RIMS2: variants seen among roughly 807,000 people sequenced by gnomAD.
The protein encoded by RIMS2 is regulating synaptic membrane exocytosis 2, also known as regulating synaptic membrane exocytosis protein 2.
In RIMS2, 59 loss-of-function variants were observed where a neutral mutation model predicts 174.4. The ratio of observed to expected loss-of-function variants is 0.34; its 90% confidence interval spans 0.27 to 0.42. The LOEUF is 0.42. RIMS2 is among the 10% of genes least tolerant of loss of function. The pLI, the probability that RIMS2 is intolerant of heterozygous loss-of-function variation, is 1.00. For missense variants in RIMS2, 1,620 were observed against 1,666.3 expected, an observed-to-expected ratio of 0.97 and a Z score of 0.48; for synonymous variants, 606 against 572.5, an observed-to-expected ratio of 1.06 and a Z score of -0.84.
At chr8:104,059,049 T>C (rs1204458867) in intron 19 of RIMS2, among the ~76,000 whole-genome samples, 3 of 151,288 alleles carry the variant, frequency 2.0e-5, no homozygotes, top group Non-Finnish European at 2.9e-5. Context: ...CTTGGTGATG[T>C]GGGCTCTTTT....
chr8:103,598,823 G>A (rs1231793022), intron 1 of RIMS2, among the ~76,000 whole-genome samples: 3 of 152,054 alleles, frequency 2.0e-5, no homozygotes, highest in Non-Finnish European at 4.4e-5. Flanking sequence ...TTCTTTTAAA[G>A]AAAAGTCCTG....
chr8:104,196,937 T>C (rs567634822), intron 19 of RIMS2, among the ~76,000 whole-genome samples: 60 of 152,306 alleles, frequency 3.9e-4, no homozygotes, highest in Middle Eastern at 3.4e-3. Context: ...GTTTTAATAA[T>C]TGTTCATGAA....
intron 2 of RIMS2, among the ~76,000 whole-genome samples, chr8:103,762,585 G>GGT (rs2098124131): frequency 6.6e-6 from 1 of 152,128 alleles, no homozygotes; most frequent in Non-Finnish European, 1.5e-5. Flanking sequence ...GAGAGGTATT[G>GGT]GTGTGTGTGA....
chr8:103,840,114 C>T (rs933865353), intron 3 of RIMS2, among the ~76,000 whole-genome samples: 8 of 152,074 alleles, frequency 5.3e-5, no homozygotes, highest in African/African-American at 1.9e-4. Flanking sequence ...ATATTCTGCC[C>T]AGTTTTATAG....
chr8:103,751,140 C>T (rs1436848393), intron 2 of RIMS2, among the ~76,000 whole-genome samples: 1 of 152,156 alleles, frequency 6.6e-6, no homozygotes, highest in African/African-American at 2.4e-5. Flanking sequence ...CAATAAACCT[C>T]TTTCTTTTGT....
chr8:104,232,001 A>G (rs538677875), intron 19 of RIMS2, among the ~76,000 whole-genome samples: 2 of 152,176 alleles, frequency 1.3e-5, no homozygotes, highest in Admixed American at 6.5e-5. Context: ...CAGCTCTAGG[A>G]ACTTACTACC....
At chr8:104,091,514 A>G (rs191906500) in intron 19 of RIMS2, among the ~76,000 whole-genome samples, 15 of 151,132 alleles carry the variant, frequency 9.9e-5, no homozygotes, top group East Asian at 7.7e-4. Context: ...CAAAAAACAT[A>G]TAAGTAAAAT....
At chr8:103,914,518 G>A (rs1447015411) in intron 6 of RIMS2, among the ~76,000 whole-genome samples, 1 of 152,038 alleles carries the variant, frequency 6.6e-6, no homozygotes, top group African/African-American at 2.4e-5. Context: ...TGTTTGTTAA[G>A]CCAAAAAGTT....
chr8:104,235,395 T>C (rs1289394404), intron 19 of RIMS2, among the ~76,000 whole-genome samples: 1 of 152,146 alleles, frequency 6.6e-6, no homozygotes, highest in African/African-American at 2.4e-5. Flanking sequence ...TGGAAAATGA[T>C]AGTAGTCATC....
chr8:103,837,014 G>A (rs561158485), intron 3 of RIMS2, among the ~76,000 whole-genome samples: 1 of 152,098 alleles, frequency 6.6e-6, no homozygotes, highest in Non-Finnish European at 1.5e-5. Context: ...TTTTTATGAC[G>A]GTTAATACAA....
At position 103,834,661 on chromosome 8, in the gene RIMS2, A is replaced by G. The variant is rs2098847493; in HGVS notation, c.699-50637A>G. Among the ~76,000 whole-genome samples, 4 of 139,912 alleles carry G rather than the reference A, an allele frequency of 2.9e-5. No homozygotes were observed. The South Asian group carries it at 9.2e-4, about 32-fold the overall frequency. 91.8% of individuals were successfully genotyped at this position (139,912 alleles called of 152,430 possible). On this transcript the variant is annotated intron_variant, in intron 3 of 23. Coordinates refer to ENST00000504942, the Ensembl canonical transcript of RIMS2. ...CCTTCCTCAGGTTTTTCAAGCCAGCAAGCCTCTGAGGTCTTTTTCTTTCTT... is the reference window on the plus strand; with the variant it reads ...CCTTCCTCAGGTTTTTCAAGCCAGCGAGCCTCTGAGGTCTTTTTCTTTCTT...
chr8:103,909,053 C>T (rs2075111345), intron 4 of RIMS2, among the ~76,000 whole-genome samples: 1 of 152,094 alleles, frequency 6.6e-6, no homozygotes, highest in African/African-American at 2.4e-5. Flanking sequence ...TTAAACATTA[C>T]TTGAGGGGTG....
intron 19 of RIMS2, among the ~76,000 whole-genome samples, chr8:104,087,573 G>A (rs533212130): frequency 6.6e-6 from 1 of 152,182 alleles, no homozygotes; most frequent in East Asian, 1.9e-4. Context: ...CTATTTAATG[G>A]AGAGGGTGTT....
intron 2 of RIMS2, among the ~76,000 whole-genome samples, chr8:103,730,891 A>C (rs1452091460): frequency 6.6e-6 from 1 of 152,148 alleles, no homozygotes; most frequent in Non-Finnish European, 1.5e-5. Context: ...CATATCCGAG[A>C]CTGGATAACT....
chr8:103,891,882 C>A (rs181357845), intron 4 of RIMS2, among the ~76,000 whole-genome samples: 1 of 151,906 alleles, frequency 6.6e-6, no homozygotes, highest in Non-Finnish European at 1.5e-5. Flanking sequence ...CAGATAGAAG[C>A]GTTATCCTTT....
intron 19 of RIMS2, among the ~76,000 whole-genome samples, chr8:104,096,128 A>C (rs1224413404): frequency 6.6e-6 from 1 of 152,106 alleles, no homozygotes; most frequent in Admixed American, 6.5e-5. Flanking sequence ...TTCATCACTA[A>C]TTCACAGAGA....
At chr8:104,234,943 A>G (rs1347146829) in intron 19 of RIMS2, among the ~76,000 whole-genome samples, 3 of 152,072 alleles carry the variant, frequency 2.0e-5, no homozygotes, top group Non-Finnish European at 2.9e-5. Context: ...GAAATCTCCA[A>G]TTTTTCGTGT....
At chr8:103,901,061 T>C (rs539442587) in intron 4 of RIMS2, among the ~76,000 whole-genome samples, 12 of 152,252 alleles carry the variant, frequency 7.9e-5, no homozygotes, top group African/African-American at 2.9e-4. Flanking sequence ...ATTATAATAA[T>C]GGCATACTCA....
chr8:103,794,247 G>A (rs1379980171), intron 3 of RIMS2, among the ~76,000 whole-genome samples: 1 of 152,004 alleles, frequency 6.6e-6, no homozygotes, highest in Non-Finnish European at 1.5e-5. Flanking sequence ...ATAGACCAAT[G>A]GAACAGAACA....
Sources: gnomAD v4.1 joint callset for allele counts (sites outside exome capture counted in the v4.1 genomes callset) on GRCh38, gnomAD v4.1.1 for gene constraint, MANE v1.5 for transcripts, NCBI Gene and HGNC (gene_info 2026-07-23, HGNC 2026-07-21) for gene names.